FBXO4: variants seen among roughly 807,000 people sequenced by gnomAD.
FBXO4 encodes F-box protein 4.
In FBXO4, 36 loss-of-function variants were observed where a neutral mutation model predicts 43.7. The ratio of observed to expected loss-of-function variants is 0.82; its 90% CI spans 0.63 to 1.09. The LOEUF is 1.09. Among genes scored for constraint, FBXO4 ranks in the 50% least tolerant of loss-of-function variants. FBXO4 has a pLI of 0.00. For synonymous variants in FBXO4, 180 were observed against 165.6 expected, an observed-to-expected ratio of 1.09 and a Z score of -0.67; for missense variants, 435 against 474.1, an observed-to-expected ratio of 0.92 and a Z score of 0.77.
Position 41,925,449 on chromosome 5 carries a change from C to T in FBXO4, c.140C>T (p.Thr47Ile). The part of the protein sequence containing the change: ...SVSKERVART[T>I]SREEVDEAAS... ...AGCAAGGAGAGGGTGGCGCGTACGA[C>T]CTCACGGGAGGAGGTGGATGAGGCG... The change falls in exon 1 of 7, where the codon ACC becomes ATC. Residue 47 changes from threonine (T) to isoleucine (I), a missense_variant. Physicochemically the swap from Thr to Ile is moderately conservative, Grantham distance 89. Transcript: ENST00000281623. 1 of 1,355,744 alleles carries T rather than the reference C, an allele frequency of 7.4e-7. No individual in the cohort carries two copies. Among genetic ancestry groups the T allele is most frequent in the South Asian group, 1.8e-5 (1 of 54,704 alleles). The allele number at this position is 1,355,744 out of a possible 1,614,324, so 84.0% of individuals were successfully genotyped here. A position where few individuals can be genotyped will look rare whatever the true frequency, so the allele number is the denominator to read the frequency against.
the FBXO4 span, among the ~76,000 whole-genome samples, chr5:41,961,655 T>C: frequency 6.6e-6 from 1 of 152,168 alleles, no homozygotes; most frequent in Non-Finnish European, 1.5e-5. Context: ...AGTCAGTACC[T>C]GGAATGAAAC....
At chr5:42,017,419 T>C in the FBXO4 span, among the ~76,000 whole-genome samples, 13 of 150,404 alleles carry the variant, frequency 8.6e-5, no homozygotes, top group African/African-American at 3.0e-4. Context: ...TATTTTATTT[T>C]CAAAAAATTT....
chr5:41,925,940 C>A (rs747817610), intron 1 of FBXO4, among the ~76,000 whole-genome samples: 6 of 152,172 alleles, frequency 3.9e-5, no homozygotes, highest in Non-Finnish European at 7.3e-5. Flanking sequence ...AAGGTTTTTA[C>A]CCTCTCAAGA....
chr5:41,961,687 T>G, the FBXO4 span, among the ~76,000 whole-genome samples: 3 of 152,200 alleles, frequency 2.0e-5, no homozygotes, highest in Admixed American at 6.5e-5. Context: ...AGAGTTTGGC[T>G]CTGGGTCCCA....
chr5:42,001,057 G>C, the FBXO4 span, among the ~76,000 whole-genome samples: 1 of 152,056 alleles, frequency 6.6e-6, no homozygotes, highest in Non-Finnish European at 1.5e-5. Context: ...TGGTTATTAA[G>C]GCTCTTTTGT....
chr5:42,031,789 T>C, the FBXO4 span, among the ~76,000 whole-genome samples: 1 of 151,950 alleles, frequency 6.6e-6, no homozygotes, highest in Non-Finnish European at 1.5e-5. Flanking sequence ...TTTATTGTAG[T>C]CTTCATCGTC....
At chr5:41,959,614 T>C in the FBXO4 span, among the ~76,000 whole-genome samples, 8 of 152,160 alleles carry the variant, frequency 5.3e-5, no homozygotes, top group Non-Finnish European at 8.8e-5. Flanking sequence ...ATTCAGTCTT[T>C]ATTGAAGAAA....
At chr5:41,995,503 C>A in the FBXO4 span, among the ~76,000 whole-genome samples, 1 of 152,178 alleles carries the variant, frequency 6.6e-6, no homozygotes, top group African/African-American at 2.4e-5. Flanking sequence ...AGTGGAAATC[C>A]TTGTTGCTGA....
chr5:41,999,506 T>A, the FBXO4 span, among the ~76,000 whole-genome samples: 4 of 63,626 alleles, frequency 6.3e-5, no homozygotes, highest in Non-Finnish European at 1.2e-4. Flanking sequence ...TATATATATG[T>A]GTATATATAT....
At chr5:41,949,207 T>C in the FBXO4 span, among the ~76,000 whole-genome samples, 2 of 152,194 alleles carry the variant, frequency 1.3e-5, no homozygotes, top group Non-Finnish European at 2.9e-5. Flanking sequence ...ATGGAAGTTC[T>C]GGCCAGGGCA....
Position 41,941,395 on chromosome 5 carries a change from A to G in FBXO4, c.*114A>G. 1.3e-6 allele frequency: 1 copy of G among 770,584 alleles called. No homozygotes were observed. The highest frequency in any genetic ancestry group is 2.0e-5 in the Admixed American group (1 of 50,636). 47.7% of individuals were successfully genotyped at this position (770,584 alleles called of 1,614,324 possible). A position where few individuals can be genotyped will look rare whatever the true frequency, so the allele number is the denominator to read the frequency against. Reference sequence around the variant, plus strand: ...CCTGCCTTTTTGCAGATAGGCTTTCATTTGGACAGCTATAACTGCTGTGTT... The same window carrying G: ...CCTGCCTTTTTGCAGATAGGCTTTCGTTTGGACAGCTATAACTGCTGTGTT... On this transcript the variant is annotated 3_prime_UTR_variant, in exon 7 of 7. Transcript: ENST00000281623.
intron 1 of FBXO4, 30 bp downstream of exon 1, chr5:41,925,528 A>G (rs1751456833): frequency 2.3e-6 from 3 of 1,294,758 alleles, no homozygotes; most frequent in Non-Finnish European, 3.0e-6. Flanking sequence ...CGCGGAGGAC[A>G]GTGGGGCCGG....
the FBXO4 span, among the ~76,000 whole-genome samples, chr5:42,037,681 A>G: frequency 6.6e-6 from 1 of 152,116 alleles, no homozygotes; most frequent in Non-Finnish European, 1.5e-5. Context: ...CATGTCCTGC[A>G]TAACAGTGGA....
At chr5:41,943,600 T>TA (rs1291008195), downstream of FBXO4, among the ~76,000 whole-genome samples, 2 of 152,176 alleles carry the variant, frequency 1.3e-5, no homozygotes, top group African/African-American at 4.8e-5. Flanking sequence ...TATCCTGACA[T>TA]AAAACAACTA....
chr5:41,982,797 C>G, the FBXO4 span, among the ~76,000 whole-genome samples: 23 of 151,970 alleles, frequency 1.5e-4, no homozygotes, highest in Non-Finnish European at 5.9e-5. Flanking sequence ...ATACACGTGC[C>G]ATGGTGTTTT....
chr5:41,941,183 T>A lies in FBXO4; in HGVS notation c.1075-9T>A. 6.2e-7 allele frequency: 1 copy of A among 1,611,412 alleles called. No homozygotes were observed. ...CTTACTAACAACATTCTCTCTTATGTATTCCGAGGTCCAGGATACAGAGGC... is the reference window on the plus strand; with the variant it reads ...CTTACTAACAACATTCTCTCTTATGAATTCCGAGGTCCAGGATACAGAGGC... On this transcript the variant is annotated splice_polypyrimidine_tract_variant and intron_variant, in intron 6 of 6. Transcript: ENST00000281623.
At chr5:41,930,422 G>C (rs1421755423) in intron 3 of FBXO4, among the ~76,000 whole-genome samples, 1 of 152,122 alleles carries the variant, frequency 6.6e-6, no homozygotes, top group African/African-American at 2.4e-5. Context: ...GAGATGATAG[G>C]GATGCAGATT....
the FBXO4 span, among the ~76,000 whole-genome samples, chr5:41,958,782 T>C: frequency 2.6e-5 from 4 of 152,218 alleles, no homozygotes; most frequent in African/African-American, 9.6e-5. Context: ...ATAGAATTTT[T>C]TTAAATTCGT....
chr5:41,978,234 A>G, the FBXO4 span, among the ~76,000 whole-genome samples: 57 of 152,322 alleles, frequency 3.7e-4, no homozygotes, highest in South Asian at 1.7e-3. Flanking sequence ...CCACTTTGTA[A>G]AAGGGATGGC....
Sources: allele counts gnomAD v4.1 joint callset (sites outside exome capture counted in the v4.1 genomes callset), GRCh38; gene constraint gnomAD v4.1.1; transcripts MANE v1.5; gene names NCBI Gene and HGNC (gene_info 2026-07-23, HGNC 2026-07-21).